Variants in SGIP1 observed in about 807,000 individuals in gnomAD.
SGIP1 encodes SH3-containing GRB2-like protein 3-interacting protein 1.
SGIP1 carries 38 observed loss-of-function variants against 107.5 expected under a neutral mutation model. The observed-to-expected ratio is 0.35, with a 90% CI of 0.27 to 0.46. The LOEUF (loss-of-function observed/expected upper bound fraction) is 0.46, where lower values mean the gene tolerates loss of function less well. Ranked by LOEUF, SGIP1 falls within the 20% of genes least tolerant of loss-of-function variation. The pLI is 1.00. For missense variants in SGIP1, 929 were observed against 1,019.5 expected (o/e 0.91, Z 1.21); for synonymous variants, 365 against 366.1 (o/e 1.00, Z 0.03).
At chr1:66,608,623 G>A (rs1276685131) in intron 1 of SGIP1, among the ~76,000 whole-genome samples, 5 of 152,204 alleles carry the variant, frequency 3.3e-5, no homozygotes, top group Non-Finnish European at 7.3e-5. Context: ...GTTTTCTGAA[G>A]TATATGATGT....
At chr1:66,728,831 T>C (rs1369965758) in intron 19 of SGIP1, among the ~76,000 whole-genome samples, 1 of 152,216 alleles carries the variant, frequency 6.6e-6, no homozygotes, top group Non-Finnish European at 1.5e-5. Context: ...GAGGCCATTA[T>C]CCTTCCCAAA....
intron 8 of SGIP1, among the ~76,000 whole-genome samples, chr1:66,661,541 G>A (rs1221511668): frequency 1.3e-5 from 2 of 152,078 alleles, no homozygotes; most frequent in Admixed American, 1.3e-4. Context: ...AACTCTTTTG[G>A]TTTCCAAAAA....
intron 1 of SGIP1, among the ~76,000 whole-genome samples, chr1:66,621,154 A>G (rs2070990236): frequency 6.6e-6 from 1 of 152,232 alleles, no homozygotes; most frequent in Non-Finnish European, 1.5e-5. Flanking sequence ...AACTTCTGAT[A>G]CATGAGTGAG....
intron 1 of SGIP1, among the ~76,000 whole-genome samples, chr1:66,607,381 C>T (rs2067063649): frequency 6.6e-6 from 1 of 152,210 alleles, no homozygotes; most frequent in African/African-American, 2.4e-5. Flanking sequence ...GGGGTGTGGT[C>T]TCAGGCAGAC....
At chr1:66,721,933 C>T (rs1012765748) in intron 19 of SGIP1, among the ~76,000 whole-genome samples, 7 of 152,134 alleles carry the variant, frequency 4.6e-5, no homozygotes, top group Non-Finnish European at 8.8e-5. Flanking sequence ...GCTCAAAATC[C>T]TCCCATCTTG....
At position 66,728,378 on chromosome 1, in the gene SGIP1, T is replaced by C. The variant is rs551527518; in HGVS notation, c.1743-886T>C. Reference sequence around the variant, plus strand: ...TTCATGAGGTGAAGCTATAGACTTCTACAGAAAGAGAAAAGCTGTACTTTT... The same window carrying C: ...TTCATGAGGTGAAGCTATAGACTTCCACAGAAAGAGAAAAGCTGTACTTTT... On this transcript the variant is annotated intron_variant, in intron 19 of 24. Transcript: ENST00000371037. 1.6e-4 allele frequency among the ~76,000 whole-genome samples: 25 copies of C among 152,330 alleles called. No individual in the cohort carries two copies. The East Asian group carries it at 4.0e-3, about 25-fold the overall frequency.
chr1:66,680,196 G>A (rs1303293747), intron 14 of SGIP1, among the ~76,000 whole-genome samples: 1 of 152,214 alleles, frequency 6.6e-6, no homozygotes, highest in African/African-American at 2.4e-5. Context: ...AGGGTGTGCA[G>A]CATACTGGTG....
At chr1:66,631,103 A>AAAGAAAG (rs1558137714) in intron 2 of SGIP1, among the ~76,000 whole-genome samples, 87 of 132,590 alleles carry the variant, frequency 6.6e-4, no homozygotes, top group Non-Finnish European at 6.2e-4. Context: ...AAGAAAGAAA[A>AAAGAAAG]AAAGAAAGAC....
intron 1 of SGIP1, among the ~76,000 whole-genome samples, chr1:66,604,577 T>G (rs1249125718): frequency 6.6e-6 from 1 of 152,230 alleles, no homozygotes; most frequent in Non-Finnish European, 1.5e-5. Flanking sequence ...CCGTTTAACT[T>G]TCTCTCAACC....
chr1:66,548,417 G>A (rs2056816754), intron 1 of SGIP1, among the ~76,000 whole-genome samples: 1 of 152,042 alleles, frequency 6.6e-6, no homozygotes, highest in African/African-American at 2.4e-5. Context: ...TCAAAGTGAA[G>A]GTTTAATTTA....
At position 66,679,900 on chromosome 1, in the gene SGIP1, T is replaced by C. The variant is rs1012783717; in HGVS notation, c.814+148T>C. Reference sequence around the variant, plus strand: ...GTTTTGCTTTCATTAGAATTTCTTATGCAGACTTATTTTAAAGCACCACTT... The same window carrying C: ...GTTTTGCTTTCATTAGAATTTCTTACGCAGACTTATTTTAAAGCACCACTT... On this transcript the variant is annotated intron_variant, in intron 14 of 24. Transcript: ENST00000371037. 3 of 647,408 alleles carry C rather than the reference T, an allele frequency of 4.6e-6. No individual in the cohort carries two copies. In the African/African-American group the frequency reaches 5.8e-5, roughly 12 times the overall value. 40.1% of individuals were successfully genotyped at this position (647,408 alleles called of 1,614,324 possible).
chr1:66,712,679 T>C (rs2092995033), intron 18 of SGIP1, among the ~76,000 whole-genome samples: 1 of 152,212 alleles, frequency 6.6e-6, no homozygotes. Context: ...ATTTTTCATT[T>C]GTCTTCCCAT....
intron 1 of SGIP1, among the ~76,000 whole-genome samples, chr1:66,596,245 G>A (rs1450394333): frequency 6.6e-6 from 1 of 151,016 alleles, no homozygotes; most frequent in Non-Finnish European, 1.5e-5. Context: ...ATGAGGATAT[G>A]TTGGACATTG....
At chr1:66,568,941 A>T (rs182342120) in intron 1 of SGIP1, among the ~76,000 whole-genome samples, 69 of 152,054 alleles carry the variant, frequency 4.5e-4, no homozygotes, top group African/African-American at 1.6e-3. Flanking sequence ...AGCATGTGGC[A>T]CAGACCTGGC....
At chr1:66,626,021 C>T (rs1237757645) in intron 2 of SGIP1, 111 bp downstream of exon 2, 46 of 677,992 alleles carry the variant, frequency 6.8e-5, no homozygotes, top group Non-Finnish European at 9.2e-5. Flanking sequence ...GTACTATTTG[C>T]TTTCCTCATT....
chr1:66,552,707 G>T (rs992892271), intron 1 of SGIP1, among the ~76,000 whole-genome samples: 2 of 151,970 alleles, frequency 1.3e-5, no homozygotes, highest in Non-Finnish European at 2.9e-5. Context: ...GTTATTTTGA[G>T]GAATAAATAA....
intron 1 of SGIP1, among the ~76,000 whole-genome samples, chr1:66,568,614 T>C (rs2059970996): frequency 1.3e-5 from 2 of 152,090 alleles, no homozygotes; most frequent in South Asian, 4.1e-4. Context: ...CTACTTAGTA[T>C]GATATCAGCT....
intron 19 of SGIP1, among the ~76,000 whole-genome samples, chr1:66,725,406 G>T (rs1405326220): frequency 6.6e-6 from 1 of 152,194 alleles, no homozygotes; most frequent in Non-Finnish European, 1.5e-5. Context: ...GAGTCTCCAT[G>T]CTCCAATGTG....
rs1452748666 is a variant in SGIP1, at chr1:66,688,998, A to C, written c.1316-150A>C. On this transcript the variant is annotated intron_variant, in intron 15 of 24. Transcript: ENST00000371037. ...AATTTTTTTTCTTTATTAAGAAAAAAAAGAGAAAAAAGAAAGTGCTACAGT... is the reference window on the plus strand; with the variant it reads ...AATTTTTTTTCTTTATTAAGAAAAACAAGAGAAAAAAGAAAGTGCTACAGT... 26 of 833,934 alleles carry C rather than the reference A, an allele frequency of 3.1e-5. No individual in the cohort carries two copies. The East Asian group carries it at 5.9e-4, about 19-fold the overall frequency. The allele number at this position is 833,934 out of a possible 1,614,324, so 51.7% of individuals were successfully genotyped here.
Sources: allele counts gnomAD v4.1 joint callset (sites outside exome capture counted in the v4.1 genomes callset), GRCh38; gene constraint gnomAD v4.1.1; transcripts MANE v1.5; gene names NCBI Gene and HGNC (gene_info 2026-07-23, HGNC 2026-07-21).